The following VAV1 variants were observed in gnomAD, a reference collection of about 807,000 sequenced individuals.
VAV1 encodes the protein vav guanine nucleotide exchange factor 1.
A neutral mutation model predicts 128.1 loss-of-function variants in VAV1; 33 were observed. The ratio of observed to expected loss-of-function variants is 0.26; its 90% CI spans 0.20 to 0.34. The LOEUF (loss-of-function observed/expected upper bound fraction) is 0.34. VAV1 is among the 10% of genes least tolerant of loss of function. VAV1 has a pLI of 1.00. For synonymous variants in VAV1, 394 were observed against 409.8 expected, an observed-to-expected ratio of 0.96 and a Z score of 0.47; for missense variants, 715 against 1,093.7, an observed-to-expected ratio of 0.65 and a Z score of 4.88.
In VAV1 at chr19:6,829,899, G is replaced by C; in HGVS notation, c.1379G>C (p.Gly460Ala). The part of the protein sequence containing the change: ...HSFQVRDDSS[G>A]DRDNKKWSHM... ...TTCCAGGTTCGGGATGACTCTTCAG[G>C]AGACCGAGACAACAAGAAGGTGGGG... The change falls in exon 14 of 27, where the codon GGA (glycine) becomes GCA (alanine). Residue 460 changes from glycine to alanine, a missense_variant. Gly to Ala is a moderately conservative substitution (Grantham distance 60). Coordinates refer to ENST00000602142, the MANE Select transcript of VAV1 (RefSeq NM_005428.4). 6.2e-7 allele frequency: 1 copy of C among 1,614,196 alleles called. No homozygotes were observed. The highest frequency in any genetic ancestry group is 8.5e-7 in the Non-Finnish European group (1 of 1,180,042).
chr19:6,853,184 A>AT (rs1350726665), intron 25 of VAV1, 105 bp downstream of exon 25: 2 of 819,170 alleles, frequency 2.4e-6, no homozygotes. Context: ...TGCAGAGGTC[A>AT]TATCTGTGCA....
intron 26 of VAV1, among the ~76,000 whole-genome samples, chr19:6,855,568 C>G (rs1032684514): frequency 1.3e-5 from 2 of 152,012 alleles, no homozygotes; most frequent in African/African-American, 4.8e-5. Flanking sequence ...CCTACCCACC[C>G]ATTAAAACAT....
intron 1 of VAV1, among the ~76,000 whole-genome samples, chr19:6,773,308 T>C (rs1265951267): frequency 6.6e-6 from 1 of 151,980 alleles, no homozygotes; most frequent in Non-Finnish European, 1.5e-5. Context: ...CTGTGGTTCA[T>C]GCCCCCAGAT....
At chr19:6,810,872 A>T (rs1253960577) in intron 1 of VAV1, among the ~76,000 whole-genome samples, 1 of 152,126 alleles carries the variant, frequency 6.6e-6, no homozygotes, top group African/African-American at 2.4e-5. Flanking sequence ...GGACCTGTTA[A>T]GTTTGAGGTG....
intron 23 of VAV1, among the ~76,000 whole-genome samples, chr19:6,849,647 A>C (rs1289857778): frequency 6.6e-6 from 1 of 151,938 alleles, no homozygotes; most frequent in Non-Finnish European, 1.5e-5. Context: ...ATGTGTACCC[A>C]ATGTTTAACC....
At chr19:6,794,595 T>A (rs1599629212) in intron 1 of VAV1, among the ~76,000 whole-genome samples, 2 of 152,294 alleles carry the variant, frequency 1.3e-5, no homozygotes, top group South Asian at 4.1e-4. Flanking sequence ...GAAAGTGTCA[T>A]GAATAGCAAC....
At chr19:6,834,631 T>G (rs984414639) in intron 19 of VAV1, among the ~76,000 whole-genome samples, 14 of 146,570 alleles carry the variant, frequency 9.6e-5, no homozygotes, top group African/African-American at 3.5e-4. Flanking sequence ...ATTAATATAA[T>G]ATAGTAATAA....
Position 6,807,788 on chromosome 19 carries a change from C to A in VAV1, c.205-12914C>A, listed in dbSNP as rs773309888. On this transcript the variant is annotated intron_variant, in intron 1 of 26. Transcript: ENST00000602142. ...TGGGCAGATCATGAGGTCAGGAGTT[C>A]GAGACTAGTCTGACCAAGATGGTGA... Among the ~76,000 whole-genome samples the A allele has an allele frequency of 2.0e-5, 3 of 151,538 alleles. No individual in the cohort carries two copies. In the South Asian group the frequency reaches 6.3e-4, roughly 32 times the overall value.
chr19:6,817,251 A>G (rs2144761315), intron 1 of VAV1, among the ~76,000 whole-genome samples: 1 of 151,660 alleles, frequency 6.6e-6, no homozygotes, highest in East Asian at 2.0e-4. Context: ...TTTAGTAGAA[A>G]TGGGGTTTCA....
At chr19:6,849,379 C>G (rs1210849638) in intron 23 of VAV1, among the ~76,000 whole-genome samples, 1 of 148,864 alleles carries the variant, frequency 6.7e-6, no homozygotes, top group Non-Finnish European at 1.5e-5. Context: ...AACTCCACCT[C>G]CCAGGTTCAA....
rs1303397413 is a variant in VAV1, at chr19:6,857,187, A to G, written c.*80A>G. On this transcript the variant is annotated 3_prime_UTR_variant, in exon 27 of 27. Coordinates refer to ENST00000602142, the MANE Select transcript of VAV1 (RefSeq NM_005428.4). ...GCAGGCAGCGGAGCCAGGGGCTGTG[A>G]CAGCTCCCGGCGGGTGGAGACTTTG... The G allele has an allele frequency of 2.9e-5, 47 of 1,595,790 alleles. No homozygotes were observed. The highest frequency in any genetic ancestry group is 4.0e-4 in the Middle Eastern group (2 of 5,046).
At chr19:6,798,722 ACT>A (rs1179496828) in intron 1 of VAV1, among the ~76,000 whole-genome samples, 3 of 150,972 alleles carry the variant, frequency 2.0e-5, no homozygotes, top group Non-Finnish European at 4.4e-5. Context: ...TGTTGCCCAG[ACT>A]GGCCTTGAAC....
chr19:6,801,353 C>A (rs555446790), intron 1 of VAV1, among the ~76,000 whole-genome samples: 2 of 152,188 alleles, frequency 1.3e-5, no homozygotes, highest in Non-Finnish European at 2.9e-5. Context: ...CTCAACTTGC[C>A]GGGCTGGTCT....
At chr19:6,797,567 G>A (rs566805469) in intron 1 of VAV1, among the ~76,000 whole-genome samples, 1 of 151,856 alleles carries the variant, frequency 6.6e-6, no homozygotes, top group East Asian at 2.0e-4. Flanking sequence ...GCTGGGCGTG[G>A]TGACGCATGC....
chr19:6,805,683 A>G (rs1312461882), intron 1 of VAV1, among the ~76,000 whole-genome samples: 4 of 151,776 alleles, frequency 2.6e-5, no homozygotes, highest in Non-Finnish European at 4.4e-5. Flanking sequence ...TTTATTGTTC[A>G]CTTTATTTCT....
chr19:6,844,060 CTTCTTTTTTTTT>C (rs1972449866), intron 22 of VAV1, among the ~76,000 whole-genome samples: 1 of 18,798 alleles, frequency 5.3e-5, no homozygotes, highest in African/African-American at 1.8e-4. Context: ...TCTTCTTCTT[CTTCTTTTTTTTT>C]TTTTTTTTTT....
Position 6,828,527 on chromosome 19 carries a change from A to G in VAV1, c.1092+40A>G. On this transcript the variant is annotated intron_variant, in intron 11 of 26. Coordinates refer to ENST00000602142, the MANE Select transcript of VAV1 (RefSeq NM_005428.4). This position sits in a 1 kb window ranked among gnomAD's most constrained non-coding sequence, Gnocchi z 4.5. ...GGTGCTGGTGACTCACCTGCTGCAG[A>G]CACCCTCCTGGTAGGGGCTGATCCT... 1.9e-6 allele frequency: 3 copies of G among 1,613,766 alleles called. No homozygotes were observed. The highest frequency in any genetic ancestry group is 2.5e-6 in the Non-Finnish European group (3 of 1,179,770).
In VAV1 at chr19:6,828,588, TG is replaced by T. The variant is rs1203804765; in HGVS notation, c.1093-28del. The T allele has an allele frequency of 3.1e-6, 5 of 1,613,144 alleles. No homozygotes were observed. In the African/African-American group the frequency reaches 4.0e-5, roughly 13 times the overall value. ...TTAGGTAGGAGCCTGGGTCGGCTGTTGGGGGGCCAGGTTCACCCCTGCCCCC... is the reference window on the plus strand; with the variant it reads ...TTAGGTAGGAGCCTGGGTCGGCTGTTGGGGGCCAGGTTCACCCCTGCCCCC... On this transcript the variant is annotated intron_variant, in intron 11 of 26. Coordinates refer to ENST00000602142, the MANE Select transcript of VAV1 (RefSeq NM_005428.4). This position sits in a 1 kb window ranked among gnomAD's most constrained non-coding sequence, Gnocchi z 4.5.
At chr19:6,788,280 G>T (rs990245605) in intron 1 of VAV1, among the ~76,000 whole-genome samples, 1 of 151,886 alleles carries the variant, frequency 6.6e-6, no homozygotes, top group Non-Finnish European at 1.5e-5. Context: ...TGGAAAATAG[G>T]GGGGTTGGCT....
Sources: gnomAD v4.1 joint callset for allele counts (sites outside exome capture counted in the v4.1 genomes callset) on GRCh38, gnomAD v4.1.1 for gene constraint, Gnocchi (gnomAD v3.1) non-coding constraint, MANE v1.5 for transcripts, NCBI Gene and HGNC (gene_info 2026-07-23, HGNC 2026-07-21) for gene names.